NRXN1: variants seen among roughly 807,000 people sequenced by gnomAD.
NRXN1 encodes neurexin-1.
A neutral mutation model predicts 150.9 loss-of-function variants in NRXN1; 39 were observed. That is an observed-to-expected ratio of 0.26 (90% CI 0.20 to 0.34). The LOEUF (loss-of-function observed/expected upper bound fraction) is 0.34. Among genes scored for constraint, NRXN1 ranks in the 10% least tolerant of loss-of-function variants. The pLI is 1.00. For missense variants in NRXN1, 1,815 were observed against 1,949.9 expected, an observed-to-expected ratio of 0.93 and a Z score of 1.30; for synonymous variants, 924 against 757.0, an observed-to-expected ratio of 1.22 and a Z score of -3.62.
chr2:50,634,512 T>C (rs892320724), intron 5 of NRXN1, among the ~76,000 whole-genome samples: 1 of 152,232 alleles, frequency 6.6e-6, no homozygotes, highest in Admixed American at 6.5e-5. Context: ...GATATATTTG[T>C]GGAATATAAA....
At chr2:49,928,961 G>A (rs558370622) in intron 22 of NRXN1, among the ~76,000 whole-genome samples, 73 of 152,078 alleles carry the variant, frequency 4.8e-4, no homozygotes, top group South Asian at 1.0e-3. Context: ...CCAATACATC[G>A]GAGATTTAGA....
chr2:50,060,987 A>T (rs905334576), intron 19 of NRXN1, among the ~76,000 whole-genome samples: 16 of 152,290 alleles, frequency 1.1e-4, no homozygotes, highest in Admixed American at 9.2e-4. Flanking sequence ...GATTCCCCAA[A>T]TCCTTCCACC....
At chr2:50,495,617 T>C (rs1171730260) in intron 15 of NRXN1, among the ~76,000 whole-genome samples, 2 of 152,170 alleles carry the variant, frequency 1.3e-5, no homozygotes, top group African/African-American at 4.8e-5. Flanking sequence ...AACTTACAAA[T>C]GCCTTTTTAA....
At chr2:50,803,577 G>C (rs752195848) in intron 5 of NRXN1, among the ~76,000 whole-genome samples, 2 of 152,148 alleles carry the variant, frequency 1.3e-5, no homozygotes, top group Admixed American at 1.3e-4. Flanking sequence ...TAAATGCTGA[G>C]AATTCTCCTG....
intron 21 of NRXN1, among the ~76,000 whole-genome samples, chr2:49,950,403 G>A (rs1459489358): frequency 1.3e-5 from 2 of 151,860 alleles, no homozygotes; most frequent in South Asian, 4.1e-4. Flanking sequence ...AGTATGTGGA[G>A]GATGAATTTT....
chr2:50,258,631 A>G (rs894361943), intron 17 of NRXN1, among the ~76,000 whole-genome samples: 4 of 151,996 alleles, frequency 2.6e-5, no homozygotes, highest in Non-Finnish European at 5.9e-5. Context: ...CCTGAGTCAC[A>G]GATGTTCTTA....
intron 17 of NRXN1, among the ~76,000 whole-genome samples, chr2:50,407,389 G>A (rs891716888): frequency 6.6e-6 from 1 of 152,232 alleles, no homozygotes; most frequent in East Asian, 1.9e-4. Flanking sequence ...CTCTGCATAT[G>A]TAAACTACCT....
At chr2:50,568,038 C>G (rs371433744) in intron 8 of NRXN1, among the ~76,000 whole-genome samples, 2 of 152,040 alleles carry the variant, frequency 1.3e-5, no homozygotes, top group East Asian at 1.9e-4. Context: ...ATAGTAAGTA[C>G]CAGAATGAAA....
intron 17 of NRXN1, among the ~76,000 whole-genome samples, chr2:50,259,017 T>C (rs1387491735): frequency 6.6e-6 from 1 of 151,986 alleles, no homozygotes. Context: ...CAAAGCACAT[T>C]TAGCATAATT....
chr2:50,166,318 TGTGTGTTTG>T (rs2059685109), intron 18 of NRXN1, among the ~76,000 whole-genome samples: 2 of 143,674 alleles, frequency 1.4e-5, no homozygotes, highest in African/African-American at 5.7e-5. Flanking sequence ...TGTGTGTGTG[TGTGTGTTTG>T]TGTGTGTGTG....
At chr2:50,031,883 T>C (rs913821633) in intron 21 of NRXN1, among the ~76,000 whole-genome samples, 1 of 152,068 alleles carries the variant, frequency 6.6e-6, no homozygotes, top group Non-Finnish European at 1.5e-5. Context: ...AGAGAGCATG[T>C]CTCCTGGTCT....
intron 18 of NRXN1, among the ~76,000 whole-genome samples, chr2:50,152,977 T>C (rs2058781697): frequency 1.3e-5 from 2 of 151,734 alleles, no homozygotes; most frequent in African/African-American, 4.8e-5. Context: ...TTGATGGTGT[T>C]CTATAGGTTC....
chr2:50,578,228 A>C (rs984869299), intron 8 of NRXN1, among the ~76,000 whole-genome samples: 13 of 152,062 alleles, frequency 8.5e-5, no homozygotes, highest in Admixed American at 3.3e-4. Flanking sequence ...CAAACTTTCA[A>C]TTTCTCTTAA....
intron 17 of NRXN1, among the ~76,000 whole-genome samples, chr2:50,276,250 TTAAAAAATAA>T (rs1318374050): frequency 6.6e-6 from 1 of 151,986 alleles, no homozygotes; most frequent in East Asian, 1.9e-4. Context: ...CACACAGCTG[TTAAAAAATAA>T]TAAAAAATAA....
At chr2:50,546,827 C>T (rs897248987) in intron 9 of NRXN1, among the ~76,000 whole-genome samples, 7 of 152,024 alleles carry the variant, frequency 4.6e-5, no homozygotes, top group Non-Finnish European at 1.0e-4. Flanking sequence ...GGATATGAAA[C>T]AAAATATAAA....
intron 8 of NRXN1, among the ~76,000 whole-genome samples, chr2:50,610,642 C>CATACATATATATAT (rs1553879967): frequency 1.2e-3 from 52 of 42,850 alleles, no homozygotes; most frequent in Middle Eastern, 0.025. Context: ...TAAATAGATA[C>CATACATATATATAT]ATATATATAT....
chr2:51,027,927 C>G lies in NRXN1; in HGVS notation c.347G>C (p.Ser116Thr), dbSNP rs751348647. The G allele has an allele frequency of 3.1e-6, 5 of 1,605,936 alleles. No homozygotes were observed. The African/African-American group carries it at 6.7e-5, about 21-fold the overall frequency. The change falls in exon 2 of 23, where the codon AGC (serine) becomes ACC (threonine). Residue 116 changes from serine (S) to threonine (T), a missense_variant. Ser to Thr is a moderately conservative substitution (Grantham distance 58). This residue lies in a region of NRXN1 where 554 missense variants were observed against 478.8 expected (regional missense o/e 1.16). Transcript: ENST00000401669. ...GCGGAACTGGCGGCGGATGCGCACG[C>G]TGTGCCAGGCGCCGTCGTTAACCGG... is the stretch of plus-strand genomic sequence containing the variant. ...DTPVNDGAWHSVRIRRQFRNT... is the reference protein window; with the variant it reads ...DTPVNDGAWHTVRIRRQFRNT...
At chr2:51,017,572 G>GAC (rs1668917963) in intron 2 of NRXN1, among the ~76,000 whole-genome samples, 1 of 126,540 alleles carries the variant, frequency 7.9e-6, no homozygotes, top group African/African-American at 3.1e-5. Flanking sequence ...GTCCCGCCTG[G>GAC]TCTGGTACTC....
At chr2:50,024,810 G>A (rs1373158280) in intron 21 of NRXN1, among the ~76,000 whole-genome samples, 1 of 152,042 alleles carries the variant, frequency 6.6e-6, no homozygotes, top group African/African-American at 2.4e-5. Flanking sequence ...TAGAGATGGG[G>A]TTTCATCACG....
Sources: allele counts gnomAD v4.1 joint callset (sites outside exome capture counted in the v4.1 genomes callset), GRCh38; gene constraint gnomAD v4.1.1; regional missense constraint gnomAD v4.1.1; transcripts MANE v1.5; gene names NCBI Gene and HGNC (gene_info 2026-07-23, HGNC 2026-07-21).